Variants in PSD3 observed in about 807,000 individuals in gnomAD.
The protein encoded by PSD3 is PH and SEC7 domain-containing protein 3.
In PSD3, 49 loss-of-function variants were observed where a neutral mutation model predicts 105.5. That is an observed-to-expected ratio of 0.46 (90% CI 0.37 to 0.59). The LOEUF (loss-of-function observed/expected upper bound fraction) is 0.59, where lower values mean the gene tolerates loss of function less well. Among genes scored for constraint, PSD3 ranks in the 20% least tolerant of loss-of-function variants. The probability of loss-of-function intolerance (pLI) is 0.00; values close to 1 mark genes in which losing one functional copy is unlikely to be tolerated. For synonymous variants in PSD3, 557 were observed against 457.8 expected (o/e 1.22, Z -2.77); for missense variants, 1,561 against 1,263.8 (o/e 1.24, Z -3.57).
chr8:18,565,976 T>C (rs946151590), intron 14 of PSD3, among the ~76,000 whole-genome samples: 5 of 152,112 alleles, frequency 3.3e-5, no homozygotes, highest in Non-Finnish European at 7.3e-5. Flanking sequence ...AAAATGTTAA[T>C]GCTGCTGCGC....
At chr8:18,763,679 C>T (rs2129443464) in intron 9 of PSD3, among the ~76,000 whole-genome samples, 1 of 152,184 alleles carries the variant, frequency 6.6e-6, no homozygotes, top group East Asian at 1.9e-4. Context: ...AACCGAACAG[C>T]ACACAGAATA....
rs531203588 is a variant in PSD3, at chr8:18,670,908, T to A, written c.2173-15223A>T. Reference sequence around the variant, plus strand: ...TTTCAATGTATAATCTTCTGGACAATTTGAATGTTGACCACACAGTGTACA... The same window carrying A: ...TTTCAATGTATAATCTTCTGGACAAATTGAATGTTGACCACACAGTGTACA... On this transcript the variant is annotated intron_variant, in intron 9 of 15. Transcript: ENST00000327040. Among the ~76,000 whole-genome samples, 33 of 152,210 alleles carry A rather than the reference T, an allele frequency of 2.2e-4. No homozygotes were observed. In the South Asian group the frequency reaches 6.4e-3, roughly 30 times the overall value.
chr8:18,683,290 G>C (rs1462105101), intron 9 of PSD3, among the ~76,000 whole-genome samples: 1 of 152,162 alleles, frequency 6.6e-6, no homozygotes. Flanking sequence ...CATGAATGTA[G>C]TATAATAGGA....
intron 9 of PSD3, among the ~76,000 whole-genome samples, chr8:18,759,396 T>A (rs1393190410): frequency 6.6e-6 from 1 of 152,160 alleles, no homozygotes; most frequent in Non-Finnish European, 1.5e-5. Context: ...ATTCAAGGTA[T>A]GTTTTTAAAC....
At chr8:18,799,003 CA>C (rs1282439208) in intron 8 of PSD3, 3 of 301,732 alleles carry the variant, frequency 9.9e-6, no homozygotes, top group Non-Finnish European at 1.9e-5. Context: ...AACCAGAAAA[CA>C]AAAATAAGTA....
At chr8:18,656,423 T>A (rs10106045) in intron 9 of PSD3, among the ~76,000 whole-genome samples, 60,727 of 151,314 alleles carry the variant, frequency 0.4, 12,733 homozygotes, top group African/African-American at 0.51. Context: ...AGTAAGATAC[T>A]TGGTAGGGGG....
chr8:18,612,081 C>G (rs189098771), intron 11 of PSD3, among the ~76,000 whole-genome samples: 1 of 152,024 alleles, frequency 6.6e-6, no homozygotes, highest in African/African-American at 2.4e-5. Context: ...ACAAGCTGTA[C>G]GGAAAAGAAA....
intron 9 of PSD3, among the ~76,000 whole-genome samples, chr8:18,716,602 T>C (rs1802616104): frequency 6.6e-6 from 1 of 152,136 alleles, no homozygotes; most frequent in Non-Finnish European, 1.5e-5. Context: ...TTCAAGTAAG[T>C]CTTGCAAGCT....
At chr8:18,691,954 A>C (rs941348073) in intron 9 of PSD3, among the ~76,000 whole-genome samples, 1 of 152,224 alleles carries the variant, frequency 6.6e-6, no homozygotes, top group African/African-American at 2.4e-5. Flanking sequence ...TTCATTTATC[A>C]AAAGTCCTCT....
intron 1 of PSD3, among the ~76,000 whole-genome samples, chr8:18,938,196 A>C (rs1029829800): frequency 6.6e-6 from 1 of 152,252 alleles, no homozygotes; most frequent in African/African-American, 2.4e-5. Context: ...GAGTGAGACA[A>C]GAAGCAGCAG....
chr8:18,817,029 G>C (rs1812273322), intron 4 of PSD3, among the ~76,000 whole-genome samples: 1 of 152,192 alleles, frequency 6.6e-6, no homozygotes, highest in Non-Finnish European at 1.5e-5. Context: ...ATGCAGGCCT[G>C]GGCAAGATGG....
chr8:18,838,751 G>A (rs1193725995), intron 4 of PSD3, among the ~76,000 whole-genome samples: 2 of 150,684 alleles, frequency 1.3e-5, no homozygotes, highest in South Asian at 2.1e-4. Context: ...GCAGTGAGCC[G>A]CGACAGCGCC....
At chr8:18,765,294 C>G (rs186677129) in intron 9 of PSD3, among the ~76,000 whole-genome samples, 155 bp downstream of exon 9, 1 of 152,012 alleles carries the variant, frequency 6.6e-6, no homozygotes, top group Non-Finnish European at 1.5e-5. Context: ...CTTTGCAGCA[C>G]GAAAAATCAA....
chr8:18,759,796 G>A (rs889220291), intron 9 of PSD3, among the ~76,000 whole-genome samples: 3 of 151,908 alleles, frequency 2.0e-5, no homozygotes, highest in Admixed American at 2.0e-4. Flanking sequence ...GGATCTTCTT[G>A]TCATTTATTT....
At chr8:18,640,985 C>T (rs1242281605) in intron 10 of PSD3, among the ~76,000 whole-genome samples, 1 of 152,188 alleles carries the variant, frequency 6.6e-6, no homozygotes, top group Non-Finnish European at 1.5e-5. Flanking sequence ...GGGAGCTCAG[C>T]AGGCTTGGTG....
intron 15 of PSD3, among the ~76,000 whole-genome samples, chr8:18,547,682 A>G (rs954484715): frequency 6.6e-6 from 1 of 152,204 alleles, no homozygotes; most frequent in African/African-American, 2.4e-5. Context: ...GCCATCTTGC[A>G]GACATCACTT....
chr8:18,813,783 A>G (rs75839752), intron 4 of PSD3, among the ~76,000 whole-genome samples: 5,516 of 152,262 alleles, frequency 0.036, 333 homozygotes, highest in African/African-American at 0.12. Context: ...TTAGCTATAA[A>G]ACAGATAATA....
intron 1 of PSD3, among the ~76,000 whole-genome samples, chr8:18,944,046 A>T (rs1042804127): frequency 1.3e-5 from 2 of 152,126 alleles, no homozygotes; most frequent in East Asian, 3.9e-4. Context: ...CCACCCCACT[A>T]CTATATCACA....
At position 18,535,724 on chromosome 8, in the gene PSD3, TC is replaced by T. The variant is rs756815846; in HGVS notation, c.*18del. The T allele has an allele frequency of 1.3e-6, 2 of 1,578,856 alleles. No homozygotes were observed. The highest frequency in any genetic ancestry group is 1.7e-6 in the Non-Finnish European group (2 of 1,147,970). On this transcript the variant is annotated 3_prime_UTR_variant, in exon 16 of 16. Coordinates refer to ENST00000327040, the MANE Select transcript of PSD3 (RefSeq NM_015310.4). ...CCTATTTTGCTCCATGACCAGCACT[TC>T]CTGGCCGCAGATGGACTCTAAGTAA...
Sources: allele counts gnomAD v4.1 joint callset (sites outside exome capture counted in the v4.1 genomes callset), GRCh38; gene constraint gnomAD v4.1.1; transcripts MANE v1.5; gene names NCBI Gene and HGNC (gene_info 2026-07-23, HGNC 2026-07-21).